The following SDK1 variants were observed in gnomAD, a reference collection of about 807,000 sequenced individuals.
SDK1 encodes the protein sidekick cell adhesion molecule 1.
A neutral mutation model predicts 245.5 loss-of-function variants in SDK1; 157 were observed. That is an observed-to-expected ratio of 0.64 (90% CI 0.56 to 0.73). The LOEUF (loss-of-function observed/expected upper bound fraction) is 0.73. SDK1 is among the 30% of genes least tolerant of loss of function. The pLI is 0.00. For synonymous variants in SDK1, 1,647 were observed against 1,278.5 expected (o/e 1.29, Z -6.15); for missense variants, 3,583 against 3,002.3 (o/e 1.19, Z -4.52).
chr7:3,591,112 T>G (rs534525123), intron 1 of SDK1, among the ~76,000 whole-genome samples: 135 of 152,346 alleles, frequency 8.9e-4, no homozygotes, highest in Non-Finnish European at 1.5e-3. Context: ...ATTCCTGTAT[T>G]TTAACATTTT....
chr7:3,874,773 G>A (rs1781034719), intron 5 of SDK1, among the ~76,000 whole-genome samples: 1 of 152,146 alleles, frequency 6.6e-6, no homozygotes, highest in Admixed American at 6.5e-5. Context: ...TCTGACCACA[G>A]TAAGATTCTA....
intron 1 of SDK1, among the ~76,000 whole-genome samples, chr7:3,331,725 A>G (rs1287889921): frequency 6.6e-6 from 1 of 152,174 alleles, no homozygotes; most frequent in Non-Finnish European, 1.5e-5. Context: ...TACCAGGTTC[A>G]TAAGATTGGA....
chr7:3,331,882 A>C (rs1780077881), intron 1 of SDK1, among the ~76,000 whole-genome samples: 1 of 152,200 alleles, frequency 6.6e-6, no homozygotes. Flanking sequence ...AAGAAAATTT[A>C]AGTTTTACAA....
intron 13 of SDK1, among the ~76,000 whole-genome samples, chr7:3,978,469 A>G (rs945919560): frequency 3.3e-5 from 5 of 152,238 alleles, no homozygotes; most frequent in African/African-American, 1.2e-4. Flanking sequence ...TTTGTGATTC[A>G]AACTAATTTA....
At chr7:3,684,592 G>A (rs1044706830) in intron 4 of SDK1, among the ~76,000 whole-genome samples, 4 of 152,182 alleles carry the variant, frequency 2.6e-5, no homozygotes, top group African/African-American at 4.8e-5. Context: ...TATACCTGAA[G>A]ACCATTTATC....
At chr7:4,096,573 C>G (rs753480524) in intron 22 of SDK1, among the ~76,000 whole-genome samples, 70 of 152,172 alleles carry the variant, frequency 4.6e-4, no homozygotes, top group Non-Finnish European at 8.2e-4. Context: ...TAGCATGGGA[C>G]TAGCACATAT....
chr7:3,784,463 A>C (rs370660845), intron 4 of SDK1, among the ~76,000 whole-genome samples: 1 of 152,106 alleles, frequency 6.6e-6, no homozygotes, highest in African/African-American at 2.4e-5. Flanking sequence ...CATACTTTGG[A>C]TAAGGGGTTA....
chr7:4,076,548 A>C (rs1780691304), intron 20 of SDK1, among the ~76,000 whole-genome samples: 1 of 144,080 alleles, frequency 6.9e-6, no homozygotes, highest in Non-Finnish European at 1.5e-5. Context: ...AGACTCAAAA[A>C]TAAATAGATA....
chr7:3,460,366 A>G (rs1032536576), intron 1 of SDK1, among the ~76,000 whole-genome samples: 2 of 152,206 alleles, frequency 1.3e-5, no homozygotes, highest in African/African-American at 4.8e-5. Flanking sequence ...CCACTTTGGA[A>G]TGTGAGTCAA....
At chr7:4,252,859 T>C (rs1387928461) in intron 44 of SDK1, among the ~76,000 whole-genome samples, 1 of 149,762 alleles carries the variant, frequency 6.7e-6, no homozygotes, top group Non-Finnish European at 1.5e-5. Context: ...TAAGTCAGTG[T>C]CACTCATTTG....
intron 4 of SDK1, among the ~76,000 whole-genome samples, chr7:3,796,697 T>C (rs1778969627): frequency 6.6e-6 from 1 of 152,244 alleles, no homozygotes; most frequent in Admixed American, 6.5e-5. Flanking sequence ...GCTTTCATTG[T>C]TTTTGATTTG....
rs756773617 is a variant in SDK1 at position 3,821,508 on chromosome 7, G to A, written c.772G>A (p.Ala258Thr). 10 of 1,613,728 alleles carry A rather than the reference G, an allele frequency of 6.2e-6. No homozygotes were observed. Among genetic ancestry groups the A allele is most frequent in the Middle Eastern group, 1.6e-4 (1 of 6,082 alleles). The change falls in exon 5 of 45, where the codon GCA (alanine) becomes ACA (threonine). Residue 258 changes from alanine (A) to threonine (T), a missense_variant. By Grantham distance (58) the Ala-to-Thr change is moderately conservative (BLOSUM62 0). Transcript: ENST00000404826. ...CGCCACCACAACCAGTGATGCCGGGGCATACTACGTGCAGGCCGTGAATGA... is the reference window on the plus strand; with the variant it reads ...CGCCACCACAACCAGTGATGCCGGGACATACTACGTGCAGGCCGTGAATGA... The part of the protein sequence containing the change: ...ILATTTSDAG[A>T]YYVQAVNEKN...
chr7:3,355,641 C>G lies in SDK1; in HGVS notation c.298+53757C>G, dbSNP rs147203080. On this transcript the variant is annotated intron_variant, in intron 1 of 44. Transcript: ENST00000404826. ...TTCATGGAGGAAATAGAAGCCATCA[C>G]TGGGAATACCCTCAGCTTTCCACCG... is the stretch of plus-strand genomic sequence containing the variant. Among the ~76,000 whole-genome samples the G allele has an allele frequency of 9.6e-3, 1,466 of 152,348 alleles. 11 individuals carry two copies. The highest frequency in any genetic ancestry group is 0.016 in the Non-Finnish European group (1,090 of 68,036).
At position 3,788,233 on chromosome 7, in the gene SDK1, C is replaced by T. The variant is rs189282786; in HGVS notation, c.714-33217C>T. Among the ~76,000 whole-genome samples the T allele has an allele frequency of 6.6e-5, 10 of 152,282 alleles. No homozygotes were observed. The East Asian group carries it at 9.7e-4, about 15-fold the overall frequency. ...AACAGTCATGGGTGGCTACTGCTGC[C>T]GGACACCAGACACCTTCATACGCAC... On this transcript the variant is annotated intron_variant, in intron 4 of 44. Coordinates refer to ENST00000404826, the MANE Select transcript of SDK1 (RefSeq NM_152744.4).
chr7:3,389,511 T>C (rs1781693136), intron 1 of SDK1, among the ~76,000 whole-genome samples: 1 of 152,164 alleles, frequency 6.6e-6, no homozygotes, highest in South Asian at 2.1e-4. Flanking sequence ...TCCTTTAGAC[T>C]CATATTTTGG....
intron 5 of SDK1, among the ~76,000 whole-genome samples, chr7:3,912,912 C>T (rs867007450): frequency 5.9e-5 from 9 of 152,186 alleles, no homozygotes; most frequent in South Asian, 2.1e-4. Context: ...TCTGTTCCCA[C>T]GAGATGCAAG....
At chr7:3,524,469 T>C (rs1002251320) in intron 1 of SDK1, among the ~76,000 whole-genome samples, 3 of 151,956 alleles carry the variant, frequency 2.0e-5, no homozygotes, top group Non-Finnish European at 4.4e-5. Flanking sequence ...AAGTATAGGA[T>C]TGGGGAATAT....
At chr7:3,329,574 G>A (rs140310146) in intron 1 of SDK1, among the ~76,000 whole-genome samples, 9 of 152,146 alleles carry the variant, frequency 5.9e-5, no homozygotes, top group East Asian at 1.9e-4. Context: ...TCTACTTTGC[G>A]TCTCTATAGA....
At chr7:3,593,320 C>G (rs1044562167) in intron 1 of SDK1, among the ~76,000 whole-genome samples, 5 of 152,158 alleles carry the variant, frequency 3.3e-5, no homozygotes, top group Middle Eastern at 6.8e-3. Flanking sequence ...GCACTGGGGA[C>G]AAGGTGGGGC....
Sources: allele counts gnomAD v4.1 joint callset (sites outside exome capture counted in the v4.1 genomes callset), GRCh38; gene constraint gnomAD v4.1.1; transcripts MANE v1.5; gene names NCBI Gene and HGNC (gene_info 2026-07-23, HGNC 2026-07-21).